ACTL8: variants seen among roughly 807,000 people sequenced by gnomAD.
ACTL8 encodes actin-like protein 8.
A neutral mutation model predicts 9.3 loss-of-function variants in ACTL8; 3 were observed. That is an observed-to-expected ratio of 0.32 (90% CI 0.15 to 0.83). ACTL8 has a LOEUF of 0.83. ACTL8 is among the 40% of genes least tolerant of loss of function. The probability of loss-of-function intolerance (pLI) is 0.57; values close to 1 mark genes in which losing one functional copy is unlikely to be tolerated. For missense variants in ACTL8, 381 were observed against 492.2 expected (o/e 0.77, Z 2.14); for synonymous variants, 224 against 205.9 (o/e 1.09, Z -0.75).
Position 17,800,416 on chromosome 1 carries a change from A to AT in ACTL8, c.-24-22563dup, listed in dbSNP as rs894869171. On this transcript the variant is annotated intron_variant, in intron 1 of 2. Transcript: ENST00000375406. ...TTTGAACGTGTTCAGATTCTGTTGGATTTTTTCTATAGATGATATTATCTT... is the reference window on the plus strand; with the variant it reads ...TTTGAACGTGTTCAGATTCTGTTGGATTTTTTTCTATAGATGATATTATCTT... 1.8e-4 allele frequency among the ~76,000 whole-genome samples: 27 copies of AT among 151,968 alleles called. 1 individual carries two copies. The East Asian group carries it at 4.5e-3, about 25-fold the overall frequency.
chr1:17,824,800 G>A (rs1289006845), intron 2 of ACTL8, among the ~76,000 whole-genome samples: 1 of 152,108 alleles, frequency 6.6e-6, no homozygotes, highest in East Asian at 1.9e-4. Flanking sequence ...AAGTTCCTGG[G>A]GAGTTTTAAA....
intron 1 of ACTL8, among the ~76,000 whole-genome samples, chr1:17,757,330 G>A (rs1351403726): frequency 2.0e-5 from 3 of 152,094 alleles, no homozygotes; most frequent in African/African-American, 7.2e-5. Context: ...AATTGTGCTG[G>A]TTGCTGAATT....
chr1:17,801,757 C>G (rs1557441081), intron 1 of ACTL8, among the ~76,000 whole-genome samples: 1 of 152,112 alleles, frequency 6.6e-6, no homozygotes, highest in Non-Finnish European at 1.5e-5. Flanking sequence ...TGAGAATTAT[C>G]TGTAAACATT....
chr1:17,805,125 C>T (rs2066349575), intron 1 of ACTL8, among the ~76,000 whole-genome samples: 1 of 152,136 alleles, frequency 6.6e-6, no homozygotes, highest in South Asian at 2.1e-4. Context: ...CTCCAGCTCC[C>T]TTCCAGCCAC....
intron 1 of ACTL8, among the ~76,000 whole-genome samples, chr1:17,802,422 TGC>T (rs1289632227): frequency 7.3e-6 from 1 of 137,024 alleles, no homozygotes; most frequent in Admixed American, 7.2e-5. Flanking sequence ...TGACTGTGCG[TGC>T]GTGTGTGTGT....
chr1:17,804,893 G>A (rs561735165), intron 1 of ACTL8, among the ~76,000 whole-genome samples: 2 of 152,058 alleles, frequency 1.3e-5, no homozygotes, highest in African/African-American at 4.8e-5. Context: ...GGGATTACAG[G>A]TGTGAGCCAC....
chr1:17,822,511 CTGCTGCTGT>C (rs1444415318), intron 1 of ACTL8, among the ~76,000 whole-genome samples: 1 of 152,184 alleles, frequency 6.6e-6, no homozygotes, highest in Non-Finnish European at 1.5e-5. Flanking sequence ...ATGCCTGCTT[CTGCTGCTGT>C]TGCTATGACA....
chr1:17,820,768 G>C (rs2053653601), intron 1 of ACTL8, among the ~76,000 whole-genome samples: 1 of 151,972 alleles, frequency 6.6e-6, no homozygotes. Flanking sequence ...GTAGAGACAG[G>C]GTTTCTCCAT....
At chr1:17,783,578 G>A (rs754119549) in intron 1 of ACTL8, among the ~76,000 whole-genome samples, 6 of 152,288 alleles carry the variant, frequency 3.9e-5, no homozygotes, top group South Asian at 2.1e-4. Flanking sequence ...CTGCCGTTTG[G>A]CTCTCTAGCT....
At chr1:17,757,815 C>T (rs1022759760) in intron 1 of ACTL8, among the ~76,000 whole-genome samples, 1 of 152,192 alleles carries the variant, frequency 6.6e-6, no homozygotes, top group Non-Finnish European at 1.5e-5. Flanking sequence ...CGGGCACACT[C>T]ATTAGAGGTT....
intron 1 of ACTL8, among the ~76,000 whole-genome samples, chr1:17,788,181 ATGT>A (rs752478105): frequency 1.3e-5 from 2 of 152,022 alleles, no homozygotes; most frequent in Non-Finnish European, 1.5e-5. Flanking sequence ...TTTGCCAGAG[ATGT>A]TGTGTGTTCA....
intron 1 of ACTL8, among the ~76,000 whole-genome samples, chr1:17,790,677 C>T (rs775215750): frequency 8.5e-5 from 13 of 152,086 alleles, no homozygotes; most frequent in Non-Finnish European, 1.6e-4. Context: ...CCTCCCTGAT[C>T]TGAAGGTGGG....
chr1:17,793,273 T>C (rs1261143235), intron 1 of ACTL8, among the ~76,000 whole-genome samples: 1 of 152,230 alleles, frequency 6.6e-6, no homozygotes. Flanking sequence ...TGGAAGGGTC[T>C]GGAGTGGCCA....
chr1:17,825,690 G>T, intron 2 of ACTL8, 77 bp from the exon 3 acceptor site: 1 of 1,532,288 alleles, frequency 6.5e-7, no homozygotes, highest in Non-Finnish European at 8.8e-7. Context: ...CCGAGGATGG[G>T]GCTCTGTGCT....
chr1:17,772,929 C>T (rs1446953889), intron 1 of ACTL8, among the ~76,000 whole-genome samples: 2 of 151,884 alleles, frequency 1.3e-5, no homozygotes, highest in Admixed American at 6.6e-5. Context: ...AAAAGGATTG[C>T]CTGGAATTTA....
chr1:17,818,497 C>G (rs1294978168), intron 1 of ACTL8, among the ~76,000 whole-genome samples: 1 of 152,244 alleles, frequency 6.6e-6, no homozygotes, highest in African/African-American at 2.4e-5. Context: ...AGGCCCTTCT[C>G]AGATCTCCAG....
At chr1:17,758,945 C>A (rs2065984010) in intron 1 of ACTL8, among the ~76,000 whole-genome samples, 1 of 152,206 alleles carries the variant, frequency 6.6e-6, no homozygotes, top group Admixed American at 6.5e-5. Flanking sequence ...TTCCATGGAA[C>A]TGTGATCGGT....
intron 1 of ACTL8, among the ~76,000 whole-genome samples, chr1:17,762,551 G>A (rs914865012): frequency 6.6e-6 from 1 of 152,188 alleles, no homozygotes. Context: ...AGGTCTCACC[G>A]TGGGTCCCTT....
intron 1 of ACTL8, among the ~76,000 whole-genome samples, chr1:17,763,127 G>T (rs1451240176): frequency 2.0e-5 from 3 of 152,178 alleles, no homozygotes; most frequent in Non-Finnish European, 2.9e-5. Flanking sequence ...AGCCTGGCCT[G>T]CGGGTCCCCA....
Sources: gnomAD v4.1 joint callset for allele counts (sites outside exome capture counted in the v4.1 genomes callset) on GRCh38, gnomAD v4.1.1 for gene constraint, MANE v1.5 for transcripts, NCBI Gene and HGNC (gene_info 2026-07-23, HGNC 2026-07-21) for gene names.